OGFOD1: variants seen among roughly 807,000 people sequenced by gnomAD.
OGFOD1 encodes prolyl 3-hydroxylase OGFOD1.
A neutral mutation model predicts 67.7 loss-of-function variants in OGFOD1; 54 were observed. The observed-to-expected ratio is 0.80, with a 90% CI of 0.64 to 1.00. The LOEUF (loss-of-function observed/expected upper bound fraction) is 1.00. Among genes scored for constraint, OGFOD1 ranks in the 50% least tolerant of loss-of-function variants. The pLI, the probability that OGFOD1 is intolerant of heterozygous loss-of-function variation, is 0.00. For missense variants in OGFOD1, 606 were observed against 646.7 expected (o/e 0.94, Z 0.68); for synonymous variants, 221 against 227.0 (o/e 0.97, Z 0.24).
intron 2 of OGFOD1, among the ~76,000 whole-genome samples, chr16:56,457,141 G>A (rs543668173): frequency 3.3e-4 from 51 of 152,316 alleles, no homozygotes; most frequent in African/African-American, 1.1e-3. Flanking sequence ...GTGCACAAAT[G>A]TTCATAGCAG....
chr16:56,459,294 C>G (rs907618076), intron 3 of OGFOD1, among the ~76,000 whole-genome samples: 6 of 150,780 alleles, frequency 4.0e-5, no homozygotes, highest in Non-Finnish European at 8.8e-5. Flanking sequence ...GAGCCGAGAT[C>G]GAGCCCGTTG....
chr16:56,467,021 C>A, intron 6 of OGFOD1, 54 bp downstream of exon 6: 1 of 1,534,460 alleles, frequency 6.5e-7, no homozygotes. Context: ...TTTAATCACC[C>A]ATTATCCAAA....
intron 8 of OGFOD1, among the ~76,000 whole-genome samples, chr16:56,468,536 A>G (rs1276358638): frequency 6.6e-6 from 1 of 152,146 alleles, no homozygotes; most frequent in Non-Finnish European, 1.5e-5. Context: ...AGCCTGGCCA[A>G]CATTGTGAAA....
intron 2 of OGFOD1, chr16:56,458,200 A>T: frequency 7.4e-6 from 2 of 269,784 alleles, no homozygotes; most frequent in Non-Finnish European, 1.4e-5. Context: ...CCCCAGGCTT[A>T]GCACTCCCCA....
Position 56,478,645 on chromosome 16 carries a change from C to T in OGFOD1, c.*2440C>T, listed in dbSNP as rs190106692. The stretch of plus-strand genomic sequence containing the variant: ...AGTTTGAGACTCATGGCTGTAGGCA[C>T]CATCCAAGGCCAATTTTCCAATTCT... On this transcript the variant is annotated 3_prime_UTR_variant, in exon 13 of 13. Transcript: ENST00000566157. 1.3e-5 allele frequency: 2 copies of T among 152,282 alleles called. No individual in the cohort carries two copies. Among genetic ancestry groups the T allele is most frequent in the Non-Finnish European group, 2.9e-5 (2 of 68,022 alleles). 9.4% of individuals were successfully genotyped at this position (152,282 alleles called of 1,614,324 possible).
At chr16:56,451,528 A>T, upstream of OGFOD1, 1 of 1,483,492 alleles carries the variant, frequency 6.7e-7, no homozygotes, top group South Asian at 1.2e-5. Flanking sequence ...GGGAAACACG[A>T]TAAAGGGGAC....
At chr16:56,464,129 G>A (rs1450955491) in intron 4 of OGFOD1, among the ~76,000 whole-genome samples, 1 of 152,124 alleles carries the variant, frequency 6.6e-6, no homozygotes, top group East Asian at 1.9e-4. Context: ...ATGTACAGAT[G>A]AGTTATTTTG....
At chr16:56,458,658 A>T in intron 3 of OGFOD1, 64 bp downstream of exon 3, 1 of 1,278,362 alleles carries the variant, frequency 7.8e-7, no homozygotes, top group Non-Finnish European at 1.1e-6. Context: ...AGTGCTTTAA[A>T]TGTTACAACA....
At chr16:56,458,883 CAT>C (rs368246065) in intron 3 of OGFOD1, 277 of 393,666 alleles carry the variant, frequency 7.0e-4, no homozygotes, top group East Asian at 3.9e-3. Context: ...CCATTTTTCA[CAT>C]GTTAGGTTGG....
At chr16:56,458,227 CT>C in intron 2 of OGFOD1, 10 of 278,434 alleles carry the variant, frequency 3.6e-5, no homozygotes, top group South Asian at 8.4e-5. Context: ...CCCTGGGTTT[CT>C]TTTTTTCCTT....
At position 56,453,386 on chromosome 16, in the gene OGFOD1, A is replaced by T. The variant is rs759136105; in HGVS notation, c.278A>T (p.Asn93Ile). ...AACTTGGACTTCCATGAGAAGTATA[A>T]TGATTTATATAAGTTCCAGCAGGTA... Reference protein sequence around the residue: ...LMNLDFHEKYNDLYKFQQSDD... With the variant: ...LMNLDFHEKYIDLYKFQQSDD... Residue 93 changes from asparagine to isoleucine, a missense_variant, in exon 2 of 13, where the codon AAT (asparagine) becomes ATT (isoleucine). Transcript: ENST00000566157. 4 of 1,610,502 alleles carry T rather than the reference A, an allele frequency of 2.5e-6. No homozygotes were observed. In the Admixed American group the frequency reaches 5.1e-5, roughly 20 times the overall value.
At position 56,477,400 on chromosome 16, in the gene OGFOD1, T is replaced by C. The variant is rs1226242159; in HGVS notation, c.*1195T>C. ...AGAAACTTCTGGTTGGTAAAGAAGA[T>C]AGGCTGCTTATTGCCATGTGTAGTC... On this transcript the variant is annotated 3_prime_UTR_variant, in exon 13 of 13. Coordinates refer to ENST00000566157, the MANE Select transcript of OGFOD1 (RefSeq NM_018233.4). 3 of 152,240 alleles carry C rather than the reference T, an allele frequency of 2.0e-5. No homozygotes were observed. Among genetic ancestry groups the C allele is most frequent in the Admixed American group, 2.0e-4 (3 of 15,284 alleles). 9.4% of individuals were successfully genotyped at this position (152,240 alleles called of 1,614,324 possible).
Position 56,458,443 on chromosome 16 carries a change from G to T in OGFOD1, c.301-105G>T, listed in dbSNP as rs1375792275. 3 of 1,000,398 alleles carry T rather than the reference G, an allele frequency of 3.0e-6. No individual in the cohort carries two copies. In the Admixed American group the frequency reaches 5.3e-5, roughly 18 times the overall value. 62.0% of individuals were successfully genotyped at this position (1,000,398 alleles called of 1,614,324 possible). Reference sequence around the variant, plus strand: ...TAAGCAGCCTGGCTTCAGAGTCTGGGCTCTTAATGACAATGCTAGGACCAG... The same window carrying T: ...TAAGCAGCCTGGCTTCAGAGTCTGGTCTCTTAATGACAATGCTAGGACCAG... On this transcript the variant is annotated intron_variant, in intron 2 of 12. Transcript: ENST00000566157.
Position 56,466,879 on chromosome 16 carries a change from A to T in OGFOD1, c.569A>T (p.His190Leu). The T allele has an allele frequency of 6.2e-7, 1 of 1,611,686 alleles. No homozygotes were observed. Among genetic ancestry groups the T allele is most frequent in the Non-Finnish European group, 8.5e-7 (1 of 1,177,808 alleles). Residue 190 changes from histidine to leucine, a missense_variant, in exon 6 of 13, where the codon CAC becomes CTC. His to Leu is a moderately conservative substitution (Grantham distance 99). Coordinates refer to ENST00000566157, the MANE Select transcript of OGFOD1 (RefSeq NM_018233.4). ...GATGTGTTCTTTCCTGGTGCAGAAC[A>T]CTTTCAGCCGAAGCAGATTGTCAAG... ...GTLDLYSIDE[H>L]FQPKQIVKSL...
In OGFOD1 at chr16:56,466,007, A is replaced by G. The variant is rs116744815; in HGVS notation, c.449-145A>G. On this transcript the variant is annotated intron_variant, in intron 4 of 12. Coordinates refer to ENST00000566157, the MANE Select transcript of OGFOD1 (RefSeq NM_018233.4). ...TTTGTTTACTTATAAAAGAGGAGAA[A>G]TAAGTGTCATTTTAAAGCTGGAGGA... is the stretch of plus-strand genomic sequence containing the variant. 3.8e-3 allele frequency: 2,267 copies of G among 598,314 alleles called. 36 individuals are homozygous for G. The highest frequency in any genetic ancestry group is 0.034 in the African/African-American group (1,866 of 54,428). The allele number at this position is 598,314 out of a possible 1,614,324, so 37.1% of individuals were successfully genotyped here.
rs759087577 is a variant in OGFOD1 at position 56,467,271 on chromosome 16, G to A, written c.764G>A (p.Arg255Gln). 2.0e-5 allele frequency: 32 copies of A among 1,613,834 alleles called. No homozygotes were observed. Among genetic ancestry groups the A allele is most frequent in the African/African-American group, 2.7e-5 (2 of 74,846 alleles). ...AACTACTTTGAACCCCCCATACCTC[G>A]GAGCCCTCACATCCCACAAGATGTA... ...PPNYFEPPIPRSPHIPQDHEI... is the reference protein window; with the variant it reads ...PPNYFEPPIPQSPHIPQDHEI... Residue 255 changes from arginine to glutamine, a missense_variant, in exon 7 of 13, where the codon CGG (arginine) becomes CAG (glutamine). Physicochemically the swap from Arg to Gln is conservative, Grantham distance 43. Coordinates refer to ENST00000566157, the MANE Select transcript of OGFOD1 (RefSeq NM_018233.4).
chr16:56,454,950 G>T (rs1235124187), intron 2 of OGFOD1: 1 of 201,664 alleles, frequency 5.0e-6, no homozygotes, highest in African/African-American at 2.4e-5. Context: ...ATTAAAAACC[G>T]CAGTTACCTG....
At chr16:56,451,845 C>A (rs1384617200) in intron 1 of OGFOD1, 79 bp downstream of exon 1, 2 of 1,503,272 alleles carry the variant, frequency 1.3e-6, no homozygotes, top group African/African-American at 1.4e-5. Flanking sequence ...TCGCGCCCAG[C>A]CTTGGGCAGC....
At chr16:56,467,076 G>A in intron 6 of OGFOD1, 89 bp from the exon 7 acceptor site, 1 of 1,580,210 alleles carries the variant, frequency 6.3e-7, no homozygotes, top group Non-Finnish European at 8.7e-7. Context: ...TTGTTTTAAT[G>A]CTTAGCATGG....
Sources: allele counts gnomAD v4.1 joint callset (sites outside exome capture counted in the v4.1 genomes callset), GRCh38; gene constraint gnomAD v4.1.1; transcripts MANE v1.5; gene names NCBI Gene and HGNC (gene_info 2026-07-23, HGNC 2026-07-21).